Variants in F12 observed in about 807,000 individuals in gnomAD.
The protein encoded by F12 is Hageman factor.
Under a neutral mutation model 74.8 loss-of-function variants are expected in F12, and 70 were observed. The ratio of observed to expected loss-of-function variants is 0.94; its 90% CI spans 0.77 to 1.14. F12 has a LOEUF of 1.14. Ranked by LOEUF, F12 falls within the 50% of genes most tolerant of loss-of-function variation. The pLI is 0.00. For missense variants in F12, 811 were observed against 835.7 expected (o/e 0.97, Z 0.36); for synonymous variants, 373 against 356.4 (o/e 1.05, Z -0.52).
At position 177,403,546 on chromosome 5, in the gene F12, G is replaced by A. The variant is rs1370723579; in HGVS notation, c.1322C>T (p.Thr441Met). The A allele has an allele frequency of 2.5e-6, 4 of 1,599,446 alleles. No homozygotes were observed. In the South Asian group the frequency reaches 4.5e-5, roughly 18 times the overall value. Residue 441 changes from threonine (T) to methionine (M), a missense_variant, in exon 11 of 14, where the codon ACG (threonine) becomes ATG (methionine). Transcript: ENST00000253496. ...CAAGCGGTAGGAGCGCACGGCCAAC[G>A]TCTGGCACGGCTCACAGCTGTGGTT... ...RRNHSCEPCQ[T>M]LAVRSYRLHE...
Position 177,405,375 on chromosome 5 carries a change from G to T in F12, c.345C>A (p.Ser115Arg). The T allele has an allele frequency of 6.2e-7, 1 of 1,614,166 alleles. No individual in the cohort carries two copies. Among genetic ancestry groups the T allele is most frequent in the South Asian group, 1.1e-5 (1 of 91,082 alleles). ...GTTGTGGACAGAGACAGTGGGGGCC[G>T]CTTGGCATGTTCACACAGGTCCCTC... The part of the protein sequence containing the change: ...QKGGTCVNMP[S>R]GPHCLCPQHL... Residue 115 changes from serine to arginine, a missense_variant, in exon 5 of 14, where the codon AGC becomes AGA. Ser to Arg is a moderately radical substitution (Grantham distance 110). Coordinates refer to ENST00000253496, the MANE Select transcript of F12 (RefSeq NM_000505.4).
At chr5:177,402,488 GTGGACC>G (rs903159604) in intron 13 of F12, 29 bp from the exon 14 acceptor site, 8 of 1,598,918 alleles carry the variant, frequency 5.0e-6, no homozygotes, top group Non-Finnish European at 6.8e-6. Context: ...GCTCAGCGCT[GTGGACC>G]TGAGATTTGT....
At chr5:177,405,498 C>T in intron 4 of F12, 65 bp from the exon 5 acceptor site, 3 of 1,508,334 alleles carry the variant, frequency 2.0e-6, no homozygotes, top group African/African-American at 2.7e-5. Flanking sequence ...GGCCAAGGCC[C>T]TTCTTGAACC....
chr5:177,402,500 T>C, intron 13 of F12, 41 bp from the exon 14 acceptor site: 1 of 1,600,014 alleles, frequency 6.2e-7, no homozygotes, highest in Non-Finnish European at 8.5e-7. Context: ...GGACCTGAGA[T>C]TTGTGCCTGA....
chr5:177,404,414 C>T lies in F12; in HGVS notation c.801-1G>A. The T allele has an allele frequency of 1.2e-6, 2 of 1,611,504 alleles. No homozygotes were observed. Among genetic ancestry groups the T allele is most frequent in the Non-Finnish European group, 8.5e-7 (1 of 1,179,464 alleles). ...CGGGCGGATGTCGTTGTCCGGGTTC[C>T]TGTAGCCACACGACGGGGCGCCGTT... On this transcript the variant is annotated splice_acceptor_variant, in intron 8 of 13. Transcript: ENST00000253496. LOFTEE classifies it high-confidence loss of function.
chr5:177,406,093 C>T (rs760715280), intron 2 of F12, 32 bp from the exon 3 acceptor site: 1 of 1,575,450 alleles, frequency 6.3e-7, no homozygotes, highest in Non-Finnish European at 8.7e-7. Context: ...TGAGGACTTC[C>T]CCTGTACTCA....
At chr5:177,409,405 G>T in intron 1 of F12, 66 bp downstream of exon 1, 1 of 1,559,898 alleles carries the variant, frequency 6.4e-7, no homozygotes. Context: ...AGAGGCCATG[G>T]CTCATGGCTG....
Position 177,404,535 on chromosome 5 carries a change from G to T in F12, c.764C>A (p.Ala255Glu). 1 of 1,600,600 alleles carries T rather than the reference G, an allele frequency of 6.2e-7. No individual in the cohort carries two copies. Among genetic ancestry groups the T allele is most frequent in the Non-Finnish European group, 8.5e-7 (1 of 1,174,518 alleles). Residue 255 changes from alanine to glutamate, a missense_variant, in exon 8 of 14, where the codon GCG (alanine) becomes GAG (glutamate). By Grantham distance (107) the Ala-to-Glu change is moderately radical. Transcript: ENST00000253496. Reference sequence around the variant, plus strand: ...GTGGCCGCCCAGTCCCCAGTTCCGCGCTTGCTCGGCAGTCACGTTCCGGTA... The same window carrying T: ...GTGGCCGCCCAGTCCCCAGTTCCGCTCTTGCTCGGCAGTCACGTTCCGGTA... ...ATYRNVTAEQ[A>E]RNWGLGGHAF...
chr5:177,402,195 G>C lies in F12; in HGVS notation c.*97C>G. The C allele has an allele frequency of 6.7e-7, 1 of 1,497,282 alleles. No homozygotes were observed. Among genetic ancestry groups the C allele is most frequent in the Non-Finnish European group, 9.1e-7 (1 of 1,095,258 alleles). The allele number at this position is 1,497,282 out of a possible 1,614,324, so 92.7% of individuals were successfully genotyped here. A position where few individuals can be genotyped will look rare whatever the true frequency, so the allele number is the denominator to read the frequency against. On this transcript the variant is annotated 3_prime_UTR_variant, in exon 14 of 14. Coordinates refer to ENST00000253496, the MANE Select transcript of F12 (RefSeq NM_000505.4). Reference sequence around the variant, plus strand: ...CCTGCGCCATCCTGGCGCGGAGCTGGCCGCACTGGGGGAATGGGACACAAT... The same window carrying C: ...CCTGCGCCATCCTGGCGCGGAGCTGCCCGCACTGGGGGAATGGGACACAAT...
Position 177,403,995 on chromosome 5 carries a change from G to A in F12, c.1114C>T (p.Arg372Cys). The A allele has an allele frequency of 6.2e-7, 1 of 1,602,874 alleles. No individual in the cohort carries two copies. The highest frequency in any genetic ancestry group is 1.1e-5 in the South Asian group (1 of 91,010). The change falls in exon 10 of 14, where the codon CGC (arginine) becomes TGC (cysteine). Residue 372 changes from arginine to cysteine, a missense_variant. By Grantham distance (180) the Arg-to-Cys change is radical. Coordinates refer to ENST00000253496, the MANE Select transcript of F12 (RefSeq NM_000505.4). ...AGCGCCACCAGCCCGCCAACGACGC[G>A]GGTCATCGAAGACAGACTCTTGCGG... The part of the protein sequence containing the change: ...RLRKSLSSMT[R>C]VVGGLVALRG...
chr5:177,406,127 G>T, intron 2 of F12, 66 bp from the exon 3 acceptor site: 1 of 1,398,596 alleles, frequency 7.2e-7, no homozygotes, highest in South Asian at 1.2e-5. Context: ...TGTCCCTCAG[G>T]GTCTGGTCAG....
chr5:177,402,321 C>A lies in F12; in HGVS notation c.1819G>T (p.Ala607Ser). ...GAAACGGTGTGCTCCCGGATCCAGG[C>A]CAGGTAGTAGGCCACATCGGTGTAG... The part of the protein sequence containing the change: ...GVYTDVAYYL[A>S]WIREHTVS Residue 607 changes from alanine to serine, a missense_variant, in exon 14 of 14, where the codon GCC (alanine) becomes TCC (serine). By Grantham distance (99) the Ala-to-Ser change is moderately conservative. Coordinates refer to ENST00000253496, the MANE Select transcript of F12 (RefSeq NM_000505.4). 1 of 1,613,818 alleles carries A rather than the reference C, an allele frequency of 6.2e-7. No individual in the cohort carries two copies. The highest frequency in any genetic ancestry group is 1.1e-5 in the South Asian group (1 of 91,058).
chr5:177,405,599 G>A (rs1275597214), intron 4 of F12, 136 bp downstream of exon 4: 1 of 1,207,110 alleles, frequency 8.3e-7, no homozygotes, highest in South Asian at 1.2e-5. Context: ...CTCTCCCTCT[G>A]GACTTCCAAA....
intron 3 of F12, 22 bp from the exon 4 acceptor site, chr5:177,405,827 C>T (rs771472255): frequency 1.9e-6 from 3 of 1,613,850 alleles, no homozygotes; most frequent in South Asian, 2.2e-5. Context: ...GACAAGGCTT[C>T]CCTGCTCTAC....
In F12 at chr5:177,402,161, T is replaced by C; in HGVS notation, c.*131A>G. On this transcript the variant is annotated 3_prime_UTR_variant, in exon 14 of 14. Transcript: ENST00000253496. The stretch of plus-strand genomic sequence containing the variant: ...CCTTCTCAGCATTTTCAAAGCACTT[T>C]ATTGAGTTCCTGCGCCATCCTGGCG... 1 of 1,194,890 alleles carries C rather than the reference T, an allele frequency of 8.4e-7. No homozygotes were observed. Among genetic ancestry groups the C allele is most frequent in the Non-Finnish European group, 1.2e-6 (1 of 834,096 alleles). The allele number at this position is 1,194,890 out of a possible 1,614,324, so 74.0% of individuals were successfully genotyped here. A position where few individuals can be genotyped will look rare whatever the true frequency, so the allele number is the denominator to read the frequency against.
In F12 at chr5:177,403,582, T is replaced by C; in HGVS notation, c.1286A>G (p.Gln429Arg). ...APEDLTVVLGQERRNHSCEPC... is the reference protein window; with the variant it reads ...APEDLTVVLGRERRNHSCEPC... ...CTCACAGCTGTGGTTACGGCGTTCC[T>C]GGCCGAGCACCACCGTCAGATCCTC... Residue 429 changes from glutamine to arginine, a missense_variant, in exon 11 of 14, where the codon CAG (glutamine) becomes CGG (arginine). Gln to Arg is a conservative substitution (Grantham distance 43, BLOSUM62 1). Coordinates refer to ENST00000253496, the MANE Select transcript of F12 (RefSeq NM_000505.4). The C allele has an allele frequency of 6.2e-7, 1 of 1,605,600 alleles. No homozygotes were observed.
At chr5:177,409,141 G>T in intron 1 of F12, 38 bp from the exon 2 acceptor site, 1 of 1,537,054 alleles carries the variant, frequency 6.5e-7, no homozygotes. Context: ...CTGACTATAA[G>T]TCATAGCCTG....
rs779424641 is a variant in F12, at chr5:177,402,509, G to C, written c.1680+41C>G. ...CGCTGTGGACCTGAGATTTGTGCCT[G>C]ACGGCCTCGGGGAAGGGCGCCAACC... is the stretch of plus-strand genomic sequence containing the variant. On this transcript the variant is annotated intron_variant, in intron 13 of 13. Coordinates refer to ENST00000253496, the MANE Select transcript of F12 (RefSeq NM_000505.4). 8.7e-6 allele frequency: 14 copies of C among 1,600,798 alleles called. No individual in the cohort carries two copies. In the African/African-American group the frequency reaches 1.7e-4, roughly 20 times the overall value.
intron 2 of F12, among the ~76,000 whole-genome samples, 154 bp from the exon 3 acceptor site, chr5:177,406,215 G>A (rs770178235): frequency 1.2e-3 from 178 of 152,234 alleles, no homozygotes; most frequent in African/African-American, 3.8e-3. Flanking sequence ...AGGGCCGGGC[G>A]CGGTGGCTCA....
Sources: gnomAD v4.1 joint callset for allele counts (sites outside exome capture counted in the v4.1 genomes callset) on GRCh38, gnomAD v4.1.1 for gene constraint, MANE v1.5 for transcripts, NCBI Gene and HGNC (gene_info 2026-07-23, HGNC 2026-07-21) for gene names.